The following DCHS1 variants were observed in gnomAD, a reference collection of about 807,000 sequenced individuals.
DCHS1 encodes protocadherin-16.
A neutral mutation model predicts 213.9 loss-of-function variants in DCHS1; 78 were observed. That is an observed-to-expected ratio of 0.36 (90% CI 0.30 to 0.44). The LOEUF (loss-of-function observed/expected upper bound fraction) is 0.44, where lower values mean the gene tolerates loss of function less well. DCHS1 is among the 20% of genes least tolerant of loss of function. The pLI is 1.00. For synonymous variants in DCHS1, 1,828 were observed against 1,873.7 expected, an observed-to-expected ratio of 0.98 and a Z score of 0.63; for missense variants, 3,946 against 4,395.9, an observed-to-expected ratio of 0.90 and a Z score of 2.89.
Position 6,623,088 on chromosome 11 carries a change from T to G in DCHS1, c.8588A>C (p.Gln2863Pro), listed in dbSNP as rs1332661327. 1 of 1,597,908 alleles carries G rather than the reference T, an allele frequency of 6.3e-7. No homozygotes were observed. ...ATSSPYFGIN[Q>P]TTGALYLRVD... ...CCGCAGGTACAGGGCTCCTGTAGTC[T>G]GGTTAATACCAAAATAGGGGGAAGA... The change falls in exon 21 of 21, where the codon CAG becomes CCG. Residue 2863 changes from glutamine to proline, a missense_variant. This residue lies in a region of DCHS1 where 554 missense variants were observed against 590.2 expected (regional missense o/e 0.94). Coordinates refer to ENST00000299441, the MANE Select transcript of DCHS1 (RefSeq NM_003737.4).
intron 1 of DCHS1, among the ~76,000 whole-genome samples, chr11:6,642,761 C>T (rs1856098031): frequency 1.3e-5 from 2 of 152,150 alleles, no homozygotes; most frequent in South Asian, 2.1e-4. Flanking sequence ...CACTAAAGCA[C>T]TTCAAGGAGG....
chr11:6,641,799 G>A lies in DCHS1; in HGVS notation c.-120-66C>T, dbSNP rs751048128. 34 of 1,312,456 alleles carry A rather than the reference G, an allele frequency of 2.6e-5. No individual in the cohort carries two copies. Among genetic ancestry groups the A allele is most frequent in the Non-Finnish European group, 3.3e-5 (33 of 991,214 alleles). 81.3% of individuals were successfully genotyped at this position (1,312,456 alleles called of 1,614,324 possible). A position where few individuals can be genotyped will look rare whatever the true frequency, so the allele number is the denominator to read the frequency against. ...GATCAGCAGTCCAGATAACCTGGAC[G>A]AGGCCACATCAACATTCAGATATGC... On this transcript the variant is annotated intron_variant, in intron 1 of 20. Coordinates refer to ENST00000299441, the MANE Select transcript of DCHS1 (RefSeq NM_003737.4). The surrounding 1 kb of genome is among the most constrained non-coding windows in gnomAD (Gnocchi z 7.1).
chr11:6,644,066 G>A (rs1856120213), intron 1 of DCHS1, among the ~76,000 whole-genome samples: 1 of 152,060 alleles, frequency 6.6e-6, no homozygotes, highest in Non-Finnish European at 1.5e-5. Context: ...CTCCTCACTG[G>A]TCTTCCACTT....
chr11:6,633,450 C>T lies in DCHS1; in HGVS notation c.2417G>A (p.Gly806Asp), dbSNP rs776180427. ...VFSVPEDVAP[G>D]TSVGIVQAHN... Reference sequence around the variant, plus strand: ...TGCCTGGACTATGCCCACACTGGTGCCTGGTGCCACATCCTCTGGCACAGA... The same window carrying T: ...TGCCTGGACTATGCCCACACTGGTGTCTGGTGCCACATCCTCTGGCACAGA... Residue 806 changes from glycine (G) to aspartate (D), a missense_variant, in exon 5 of 21, where the codon GGC (glycine) becomes GAC (aspartate). Around this residue, in one of 3 missense-constraint regions of DCHS1, gnomAD observed 3,384 missense variants for 3,780.1 expected, o/e 0.90. Coordinates refer to ENST00000299441, the MANE Select transcript of DCHS1 (RefSeq NM_003737.4). 6.4e-7 allele frequency: 1 copy of T among 1,566,948 alleles called. No individual in the cohort carries two copies. The highest frequency in any genetic ancestry group is 8.7e-7 in the Non-Finnish European group (1 of 1,154,926).
chr11:6,631,187 G>A lies in DCHS1; in HGVS notation c.3796C>T (p.Leu1266=). The A allele has an allele frequency of 6.2e-7, 1 of 1,611,754 alleles. No individual in the cohort carries two copies. Among genetic ancestry groups the A allele is most frequent in the Non-Finnish European group, 8.5e-7 (1 of 1,178,366 alleles). The change falls in exon 9 of 21, where the codon CTG becomes TTG. Residue 1266 remains leucine (L), a synonymous_variant. Transcript: ENST00000299441. ...LTGPGSELFS[L]HPHSGELLTA... ...AGCAGCTCCCCTGAGTGAGGGTGCA[G>A]AGAGAAAAGCTCTGAGCCAGGACCT...
chr11:6,627,287 C>T lies in DCHS1; in HGVS notation c.5752G>A (p.Asp1918Asn), dbSNP rs754838932. ...GTGTAGCTGGGACACTGTTCTCTGT[C>T]CAAGGCTGCAGCTGTGCGCAGTTCT... is the stretch of plus-strand genomic sequence containing the variant. Reference protein sequence around the residue: ...SGELRTAAALDREQCPSYTFS... With the variant: ...SGELRTAAALNREQCPSYTFS... Residue 1918 changes from aspartate (D) to asparagine (N), a missense_variant, in exon 14 of 21, where the codon GAC becomes AAC. Transcript: ENST00000299441. The surrounding 1 kb of genome is among the most constrained non-coding windows in gnomAD (Gnocchi z 5.4). The T allele has an allele frequency of 2.5e-6, 4 of 1,613,004 alleles. No homozygotes were observed. In the South Asian group the frequency reaches 3.3e-5, roughly 13 times the overall value.
Position 6,641,636 on chromosome 11 carries a change from C to T in DCHS1, c.-23G>A, listed in dbSNP as rs1856077224. On this transcript the variant is annotated 5_prime_UTR_variant, in exon 2 of 21. Coordinates refer to ENST00000299441, the MANE Select transcript of DCHS1 (RefSeq NM_003737.4). This position sits in a 1 kb window ranked among gnomAD's most constrained non-coding sequence, Gnocchi z 7.1. ...CATGACAAGGGTAGTCCAGCTGTGCCTTGGGCTCCAGCTCCAGGCCAGGCT... is the reference window on the plus strand; with the variant it reads ...CATGACAAGGGTAGTCCAGCTGTGCTTTGGGCTCCAGCTCCAGGCCAGGCT... The T allele has an allele frequency of 6.6e-7, 1 of 1,518,488 alleles. No individual in the cohort carries two copies. The highest frequency in any genetic ancestry group is 8.9e-7 in the Non-Finnish European group (1 of 1,126,818). The allele number at this position is 1,518,488 out of a possible 1,614,324, so 94.1% of individuals were successfully genotyped here.
chr11:6,646,984 G>A (rs1357547782), intron 1 of DCHS1, among the ~76,000 whole-genome samples: 2 of 152,128 alleles, frequency 1.3e-5, no homozygotes, highest in African/African-American at 2.4e-5. Flanking sequence ...GGCCCGAGGC[G>A]CTGAAGGGGA....
Position 6,623,212 on chromosome 11 carries a change from C to T in DCHS1, c.8464G>A (p.Val2822Met). The T allele has an allele frequency of 1.3e-6, 2 of 1,599,836 alleles. No homozygotes were observed. Among genetic ancestry groups the T allele is most frequent in the Non-Finnish European group, 1.7e-6 (2 of 1,173,010 alleles). Reference protein sequence around the residue: ...VFLAPAFHFQVPEGARRGHSL... With the variant: ...VFLAPAFHFQMPEGARRGHSL... ...TGGCCACGCCGGGCACCTTCGGGCA[C>T]TTGGAAGTGGAAAGCTGGTGCCAGA... is the stretch of plus-strand genomic sequence containing the variant. Residue 2822 changes from valine to methionine, a missense_variant, in exon 21 of 21, where the codon GTG (valine) becomes ATG (methionine). Physicochemically the swap from Val to Met is conservative, Grantham distance 21 (BLOSUM62 1). Transcript: ENST00000299441.
At position 6,623,372 on chromosome 11, in the gene DCHS1, A is replaced by G. The variant is rs200844364; in HGVS notation, c.8304T>C (p.Arg2768=). Residue 2768 remains arginine (R), a synonymous_variant, in exon 21 of 21, where the codon CGT becomes CGC. Transcript: ENST00000299441. The part of the protein sequence containing the change: ...FALNSSTGEL[R]ARVPFDYEHT... Reference sequence around the variant, plus strand: ...GCTCATAGTCAAAGGGCACTCGCGCACGCAACTCCCCTGTTGAGCTGTTCA... The same window carrying G: ...GCTCATAGTCAAAGGGCACTCGCGCGCGCAACTCCCCTGTTGAGCTGTTCA... The G allele has an allele frequency of 3.3e-5, 52 of 1,597,742 alleles. No individual in the cohort carries two copies. Among genetic ancestry groups the G allele is most frequent in the Middle Eastern group, 1.6e-4 (1 of 6,074 alleles).
chr11:6,632,466 C>T lies in DCHS1; in HGVS notation c.3046G>A (p.Gly1016Arg), dbSNP rs1855925959. ...GCCTGCACTTGCAGGACCTGAGTTC[C>T]AGCAGTGGTGCCTGAGGGCAGGTCC... ...RVDLPSGTTA[G>R]TQVLQVQAQA... The change falls in exon 6 of 21, where the codon GGA (glycine) becomes AGA (arginine). Residue 1016 changes from glycine to arginine, a missense_variant. Around this residue, in one of 3 missense-constraint regions of DCHS1, gnomAD observed 3,384 missense variants for 3,780.1 expected, o/e 0.90. Transcript: ENST00000299441. The surrounding 1 kb of genome is among the most constrained non-coding windows in gnomAD (Gnocchi z 5.9). 1.3e-6 allele frequency: 2 copies of T among 1,592,628 alleles called. No individual in the cohort carries two copies. Among genetic ancestry groups the T allele is most frequent in the Admixed American group, 1.7e-5 (1 of 58,472 alleles).
chr11:6,655,653 A>G lies in DCHS1; in HGVS notation c.-211T>C, dbSNP rs12288387. 630,062 of 978,400 alleles carry G rather than the reference A, an allele frequency of 0.64. 203,969 individuals carry two copies. The highest frequency in any genetic ancestry group is 0.83 in the East Asian group (7,104 of 8,560). 60.6% of individuals were successfully genotyped at this position (978,400 alleles called of 1,614,324 possible). On this transcript the variant is annotated 5_prime_UTR_variant, in exon 1 of 21. Transcript: ENST00000299441. ...GCAGCGCCCGCTCGCGCGGGGCCTGAGGCCGCGCATCGTCCGCAGTCGCTG... is the reference window on the plus strand; with the variant it reads ...GCAGCGCCCGCTCGCGCGGGGCCTGGGGCCGCGCATCGTCCGCAGTCGCTG...
In DCHS1 at chr11:6,630,384, G is replaced by A. The variant is rs1428041654; in HGVS notation, c.4410C>T (p.Ser1470=). ...GGCGCAGCAGGCGGTAGCGCACGTC[G>A]CTATTGGGGCCGGGGCCGTCGGCGT... The part of the protein sequence containing the change: ...ASDADGPGPN[S]DVRYRLLRQE... Residue 1470 remains serine (S), a synonymous_variant, in exon 10 of 21, where the codon AGC becomes AGT. Coordinates refer to ENST00000299441, the MANE Select transcript of DCHS1 (RefSeq NM_003737.4). 4 of 1,387,388 alleles carry A rather than the reference G, an allele frequency of 2.9e-6. No homozygotes were observed. The highest frequency in any genetic ancestry group is 1.4e-5 in the South Asian group (1 of 69,264). 85.9% of individuals were successfully genotyped at this position (1,387,388 alleles called of 1,614,324 possible).
Position 6,625,830 on chromosome 11 carries a change from A to G in DCHS1, c.6731+90T>C. ...AGAGCTTAGGGCTGGGGAATTCAGG[A>G]TGTGGCCAAGGGACCAGATGAGTTC... On this transcript the variant is annotated intron_variant, in intron 17 of 20. Transcript: ENST00000299441. The surrounding 1 kb of genome is among the most constrained non-coding windows in gnomAD (Gnocchi z 5.3). The G allele has an allele frequency of 6.3e-7, 1 of 1,579,750 alleles. No individual in the cohort carries two copies. The highest frequency in any genetic ancestry group is 1.2e-5 in the South Asian group (1 of 86,416).
rs766431564 is a variant in DCHS1, at chr11:6,631,143, G to A, written c.3840C>T (p.Ile1280=). 6 of 1,613,152 alleles carry A rather than the reference G, an allele frequency of 3.7e-6. No homozygotes were observed. The Admixed American group carries it at 6.7e-5, about 18-fold the overall frequency. ...GCACATAGTGGGGCCGCTCTGCTCGGATCAGGGGAGCTGCAGTGAGCAGCT... is the reference window on the plus strand; with the variant it reads ...GCACATAGTGGGGCCGCTCTGCTCGAATCAGGGGAGCTGCAGTGAGCAGCT... The part of the protein sequence containing the change: ...SGELLTAAPL[I]RAERPHYVLT... The change falls in exon 9 of 21, where the codon ATC becomes ATT. Residue 1280 remains isoleucine, a synonymous_variant. Coordinates refer to ENST00000299441, the MANE Select transcript of DCHS1 (RefSeq NM_003737.4).
Position 6,640,839 on chromosome 11 carries a change from G to A in DCHS1, c.775C>T (p.Arg259Cys), listed in dbSNP as rs752845305. 34 of 1,613,936 alleles carry A rather than the reference G, an allele frequency of 2.1e-5. No individual in the cohort carries two copies. Among genetic ancestry groups the A allele is most frequent in the East Asian group, 4.5e-5 (2 of 44,904 alleles). The change falls in exon 2 of 21, where the codon CGC becomes TGC. Residue 259 changes from arginine (R) to cysteine (C), a missense_variant. Arg to Cys is a radical substitution (Grantham distance 180, BLOSUM62 -3). Around this residue, in one of 3 missense-constraint regions of DCHS1, gnomAD observed 3,384 missense variants for 3,780.1 expected, o/e 0.90. Coordinates refer to ENST00000299441, the MANE Select transcript of DCHS1 (RefSeq NM_003737.4). This position sits in a 1 kb window ranked among gnomAD's most constrained non-coding sequence, Gnocchi z 6.5. ...CTCTCAGACACCACAGCATGGTAGC[G>A]GCTCTGATTGAAAGCCGGGGCATGG... ...NDHAPAFNQSRYHAVVSESLA... is the reference protein window; with the variant it reads ...NDHAPAFNQSCYHAVVSESLA...
Position 6,630,237 on chromosome 11 carries a change from G to C in DCHS1, c.4557C>G (p.Pro1519=), listed in dbSNP as rs759965401. 3.2e-6 allele frequency: 5 copies of C among 1,550,794 alleles called. No homozygotes were observed. Among genetic ancestry groups the C allele is most frequent in the Non-Finnish European group, 4.3e-6 (5 of 1,150,970 alleles). ...LLLLVEATDR[P]ANASRRRAAR... ...CTGCACGACGGCGGCTGGCGTTGGC[G>C]GGCCGGTCGGTGGCTTCCACCAGCA... Residue 1519 remains proline, a synonymous_variant, in exon 10 of 21, where the codon CCC becomes CCG. Coordinates refer to ENST00000299441, the MANE Select transcript of DCHS1 (RefSeq NM_003737.4).
chr11:6,636,552 C>T (rs1241131993), intron 2 of DCHS1, among the ~76,000 whole-genome samples: 1 of 151,958 alleles, frequency 6.6e-6, no homozygotes, highest in African/African-American at 2.4e-5. Context: ...GTTGTCCAGG[C>T]TGGTTTGGAA....
chr11:6,622,791 C>G lies in DCHS1; in HGVS notation c.8885G>C (p.Arg2962Pro). ...TGCCTCAGCCTTGCGGCTACGGGCC[C>G]GAACAAGTCCTAGGACCAGGGCTGC... The part of the protein sequence containing the change: ...ALAALVLGLV[R>P]ARSRKAEAAP... Residue 2962 changes from arginine (R) to proline (P), a missense_variant, in exon 21 of 21, where the codon CGG becomes CCG. Transcript: ENST00000299441. The surrounding 1 kb of genome is among the most constrained non-coding windows in gnomAD (Gnocchi z 5.4). 3.1e-6 allele frequency: 5 copies of G among 1,593,216 alleles called. No individual in the cohort carries two copies. Among genetic ancestry groups the G allele is most frequent in the Non-Finnish European group, 8.5e-7 (1 of 1,170,198 alleles).
Sources: allele counts gnomAD v4.1 joint callset (sites outside exome capture counted in the v4.1 genomes callset), GRCh38; gene constraint gnomAD v4.1.1; regional missense constraint gnomAD v4.1.1; non-coding constraint Gnocchi (gnomAD v3.1); transcripts MANE v1.5; gene names NCBI Gene and HGNC (gene_info 2026-07-23, HGNC 2026-07-21).